The following EPB41L5 variants were observed in gnomAD, a reference collection of about 807,000 sequenced individuals.
EPB41L5 encodes erythrocyte membrane protein band 4.1 like 5, also known as band 4.1-like protein 5.
EPB41L5 carries 55 observed loss-of-function variants against 106.6 expected under a neutral mutation model. That is an observed-to-expected ratio of 0.52 (90% CI 0.42 to 0.65). EPB41L5 has a LOEUF of 0.65. Among genes scored for constraint, EPB41L5 ranks in the 30% least tolerant of loss-of-function variants. EPB41L5 has a pLI of 0.00. For missense variants in EPB41L5, 871 were observed against 882.1 expected (o/e 0.99, Z 0.16); for synonymous variants, 297 against 306.7 (o/e 0.97, Z 0.33).
intron 1 of EPB41L5, among the ~76,000 whole-genome samples, chr2:120,014,011 G>A (rs934663906): frequency 1.3e-5 from 2 of 152,138 alleles, no homozygotes; most frequent in African/African-American, 2.4e-5. Context: ...TGCTGTGCAG[G>A]CTTTAGAAAA....
chr2:120,082,534 C>T (rs1018111373), intron 10 of EPB41L5, among the ~76,000 whole-genome samples: 38 of 152,118 alleles, frequency 2.5e-4, no homozygotes, highest in Middle Eastern at 3.4e-3. Context: ...ATTTTTGCAT[C>T]GATGTTCATC....
At chr2:120,134,554 G>A (rs749520658) in intron 18 of EPB41L5, among the ~76,000 whole-genome samples, 21 of 152,212 alleles carry the variant, frequency 1.4e-4, no homozygotes, top group Non-Finnish European at 2.6e-4. Context: ...AGCCACAGGG[G>A]TGCTTGTGTC....
intron 24 of EPB41L5, among the ~76,000 whole-genome samples, chr2:120,174,541 C>A (rs751724533): frequency 6.6e-6 from 1 of 151,656 alleles, no homozygotes; most frequent in Non-Finnish European, 1.5e-5. Flanking sequence ...CAGCACTGTT[C>A]TTGATACTCA....
chr2:120,094,580 CATTA>C (rs1299579929), intron 14 of EPB41L5, among the ~76,000 whole-genome samples: 2 of 148,580 alleles, frequency 1.3e-5, no homozygotes, highest in African/African-American at 4.9e-5. Context: ...TTTTCTGTTT[CATTA>C]ATTTTTGCTC....
intron 24 of EPB41L5, among the ~76,000 whole-genome samples, chr2:120,171,076 T>C (rs1403484775): frequency 6.6e-6 from 1 of 152,220 alleles, no homozygotes; most frequent in Non-Finnish European, 1.5e-5. Flanking sequence ...CAGCGTTCTC[T>C]GTGTGATACT....
chr2:120,068,673 T>C (rs1455337724), intron 3 of EPB41L5, among the ~76,000 whole-genome samples: 2 of 152,156 alleles, frequency 1.3e-5, no homozygotes, highest in African/African-American at 4.8e-5. Context: ...GTAAACGGGC[T>C]AAATGTCCCA....
At chr2:120,035,772 T>C (rs1325621349) in intron 2 of EPB41L5, among the ~76,000 whole-genome samples, 1 of 152,212 alleles carries the variant, frequency 6.6e-6, no homozygotes, top group Non-Finnish European at 1.5e-5. Flanking sequence ...GAAGTTAAGA[T>C]CACTCCCAAT....
intron 18 of EPB41L5, among the ~76,000 whole-genome samples, chr2:120,136,010 C>G (rs571825585): frequency 1.6e-5 from 2 of 126,698 alleles, no homozygotes; most frequent in African/African-American, 6.1e-5. Flanking sequence ...AAAAGACTAT[C>G]AAAAATGTAA....
chr2:120,047,241 T>G (rs1362165674), intron 3 of EPB41L5, among the ~76,000 whole-genome samples: 1 of 152,224 alleles, frequency 6.6e-6, no homozygotes, highest in Non-Finnish European at 1.5e-5. Context: ...AATCTATAAA[T>G]TGCCTTGGGC....
At chr2:120,149,541 ATACTG>A (rs1177345157) in intron 20 of EPB41L5, among the ~76,000 whole-genome samples, 1 of 152,182 alleles carries the variant, frequency 6.6e-6, no homozygotes, top group Admixed American at 6.5e-5. Flanking sequence ...AGGGTCATCC[ATACTG>A]TACTATTATG....
chr2:120,117,395 C>G (rs1033294549), intron 16 of EPB41L5, among the ~76,000 whole-genome samples: 1 of 152,196 alleles, frequency 6.6e-6, no homozygotes, highest in South Asian at 2.1e-4. Context: ...AAGTATTGCA[C>G]TTCAAATTTA....
At chr2:120,014,534 A>G (rs1006860620) in intron 1 of EPB41L5, among the ~76,000 whole-genome samples, 1 of 152,250 alleles carries the variant, frequency 6.6e-6, no homozygotes, top group Non-Finnish European at 1.5e-5. Flanking sequence ...TTTCTTTGTT[A>G]TAAAGAAAAG....
intron 3 of EPB41L5, among the ~76,000 whole-genome samples, chr2:120,071,629 T>A (rs1681875152): frequency 6.6e-6 from 1 of 152,068 alleles, no homozygotes; most frequent in Admixed American, 6.5e-5. Context: ...ACAACACACA[T>A]CCACAACCAT....
chr2:120,049,635 T>C (rs573656139), intron 3 of EPB41L5, among the ~76,000 whole-genome samples: 2 of 152,340 alleles, frequency 1.3e-5, no homozygotes, highest in South Asian at 4.1e-4. Context: ...AGTCTGTGTC[T>C]TTTAATTGGA....
chr2:120,094,237 T>A (rs2105375816), intron 14 of EPB41L5, among the ~76,000 whole-genome samples: 1 of 152,310 alleles, frequency 6.6e-6, no homozygotes, highest in East Asian at 1.9e-4. Context: ...TCCTCCTGCC[T>A]CTGCCTCCCG....
At chr2:120,105,625 A>G (rs1334807007) in intron 16 of EPB41L5, 1 of 985,214 alleles carries the variant, frequency 1.0e-6, no homozygotes. Flanking sequence ...GTGTAAGAGG[A>G]TGGCCACTCA....
At chr2:120,149,754 G>A (rs775448115) in intron 20 of EPB41L5, among the ~76,000 whole-genome samples, 15 of 152,060 alleles carry the variant, frequency 9.9e-5, no homozygotes, top group African/African-American at 1.2e-4. Context: ...GTAGAATTCC[G>A]GAGTCATACG....
chr2:120,074,376 A>G (rs910646254), intron 5 of EPB41L5, 198 bp downstream of exon 5: 11 of 508,284 alleles, frequency 2.2e-5, no homozygotes, highest in African/African-American at 9.9e-5. Flanking sequence ...CAAAATAAAG[A>G]GTTGGTTTCT....
intron 11 of EPB41L5, 123 bp from the exon 12 acceptor site, chr2:120,090,222 AAG>A: frequency 1.4e-6 from 1 of 697,810 alleles, no homozygotes. Flanking sequence ...TGATACTATA[AAG>A]AGTGTCTGAA....
Sources: gnomAD v4.1 joint callset for allele counts (sites outside exome capture counted in the v4.1 genomes callset) on GRCh38, gnomAD v4.1.1 for gene constraint, MANE v1.5 for transcripts, NCBI Gene and HGNC (gene_info 2026-07-23, HGNC 2026-07-21) for gene names.